Variants in CSMD1 observed in about 807,000 individuals in gnomAD.
The protein encoded by CSMD1 is CUB and sushi domain-containing protein 1.
CSMD1 carries 213 observed loss-of-function variants against 417.5 expected under a neutral mutation model. The observed-to-expected ratio is 0.51, with a 90% confidence interval of 0.46 to 0.57. The LOEUF (loss-of-function observed/expected upper bound fraction) is 0.57, where lower values mean the gene tolerates loss of function less well. CSMD1 is among the 20% of genes least tolerant of loss of function. The probability of loss-of-function intolerance (pLI) is 0.00; values close to 1 mark genes in which losing one functional copy is unlikely to be tolerated. For missense variants in CSMD1, 6,923 were observed against 4,529.7 expected (o/e 1.53, Z -15.17); for synonymous variants, 2,862 against 1,736.8 (o/e 1.65, Z -16.11).
At chr8:4,309,370 C>T (rs80303514) in intron 3 of CSMD1, among the ~76,000 whole-genome samples, 90,914 of 151,764 alleles carry the variant, frequency 0.6, 29,264 homozygotes, top group East Asian at 0.86. Context: ...ATCTTTTGTT[C>T]TGTAGTCCCT....
chr8:3,859,073 TATTC>T (rs763345043), intron 5 of CSMD1, among the ~76,000 whole-genome samples: 4 of 152,192 alleles, frequency 2.6e-5, no homozygotes, highest in Non-Finnish European at 5.9e-5. Flanking sequence ...TGTTATGTGA[TATTC>T]ATCTTCTCAT....
rs560474060 is a variant in CSMD1, at chr8:4,753,426, C to T, written c.86-115868G>A. Among the ~76,000 whole-genome samples, 80 of 151,600 alleles carry T rather than the reference C, an allele frequency of 5.3e-4. No individual in the cohort carries two copies. In the Middle Eastern group the frequency reaches 0.017, roughly 33 times the overall value. On this transcript the variant is annotated intron_variant, in intron 1 of 69. Transcript: ENST00000635120. ...AACCACACACACACACACACACACA[C>T]ACACACACACACACACACACATGCG...
intron 2 of CSMD1, among the ~76,000 whole-genome samples, chr8:4,426,834 C>G (rs867969928): frequency 5.3e-5 from 8 of 150,164 alleles, no homozygotes; most frequent in Non-Finnish European, 8.9e-5. Context: ...ACATAGTATA[C>G]TATATTATGT....
At chr8:3,728,369 AT>A (rs1460571354) in intron 6 of CSMD1, among the ~76,000 whole-genome samples, 1 of 152,152 alleles carries the variant, frequency 6.6e-6, no homozygotes, top group African/African-American at 2.4e-5. Context: ...TCGTTCCTTT[AT>A]CAATTACCCA....
At chr8:3,143,825 A>T (rs1818666215) in intron 40 of CSMD1, among the ~76,000 whole-genome samples, 1 of 152,184 alleles carries the variant, frequency 6.6e-6, no homozygotes, top group Non-Finnish European at 1.5e-5. Context: ...GGGTTTTCCT[A>T]CTTCATTGGA....
At position 3,087,268 on chromosome 8, in the gene CSMD1, T is replaced by A. The variant is rs1212743426; in HGVS notation, c.7303A>T (p.Thr2435Ser). Reference sequence around the variant, plus strand: ...ATACCCCCATTCTTCAGGGGGTGGGTCAAACTGCAGTAAGGTGCTGTGGGC... The same window carrying A: ...ATACCCCCATTCTTCAGGGGGTGGGACAAACTGCAGTAAGGTGCTGTGGGC... ...IRYAAPYCSL[T>S]HPLKNGGILN... is the part of the protein sequence containing the mutation. Residue 2435 changes from threonine to serine, a missense_variant, in exon 49 of 70, where the codon ACC becomes TCC. Physicochemically the swap from Thr to Ser is moderately conservative, Grantham distance 58. Coordinates refer to ENST00000635120, the MANE Select transcript of CSMD1 (RefSeq NM_033225.6). The A allele has an allele frequency of 6.2e-7, 1 of 1,613,854 alleles. No homozygotes were observed. Among genetic ancestry groups the A allele is most frequent in the Non-Finnish European group, 8.5e-7 (1 of 1,179,828 alleles).
Position 4,490,090 on chromosome 8 carries a change from G to A in CSMD1, c.303-70025C>T, listed in dbSNP as rs543797825. ...CGAGTCTTGCTCTGTCACCAGGCTA[G>A]AGTGCAGTGGCAGGATCTTGGCTAA... On this transcript the variant is annotated intron_variant, in intron 2 of 69. Transcript: ENST00000635120. Among the ~76,000 whole-genome samples the A allele has an allele frequency of 5.4e-5, 8 of 147,996 alleles. 1 individual carries two copies. In the East Asian group the frequency reaches 1.2e-3, roughly 22 times the overall value.
chr8:3,772,785 C>G (rs1437572119), intron 5 of CSMD1, among the ~76,000 whole-genome samples: 2 of 151,374 alleles, frequency 1.3e-5, no homozygotes, highest in Non-Finnish European at 2.9e-5. Context: ...GTCTATAAAG[C>G]ACCATGACAG....
At chr8:3,364,903 C>T (rs187408776) in intron 20 of CSMD1, among the ~76,000 whole-genome samples, 1 of 152,262 alleles carries the variant, frequency 6.6e-6, no homozygotes, top group East Asian at 1.9e-4. Flanking sequence ...TACTGTCAGA[C>T]CTGTGGTGAG....
chr8:3,421,426 A>G (rs989491373), intron 12 of CSMD1, among the ~76,000 whole-genome samples: 4 of 152,264 alleles, frequency 2.6e-5, no homozygotes, highest in Non-Finnish European at 4.4e-5. Context: ...CCAGGTTGTG[A>G]TTAAGAAAAG....
chr8:3,351,692 A>G (rs2117662254), intron 21 of CSMD1, among the ~76,000 whole-genome samples: 1 of 149,066 alleles, frequency 6.7e-6, no homozygotes, highest in South Asian at 2.1e-4. Flanking sequence ...ATTAAATGAT[A>G]TACGAATAAT....
chr8:3,500,100 T>G (rs1796535263), intron 10 of CSMD1, among the ~76,000 whole-genome samples: 1 of 152,088 alleles, frequency 6.6e-6, no homozygotes, highest in South Asian at 2.1e-4. Flanking sequence ...GAGTCCTTTT[T>G]TGGCACTGAA....
intron 6 of CSMD1, among the ~76,000 whole-genome samples, chr8:3,725,432 G>C (rs1802425829): frequency 6.6e-6 from 1 of 152,166 alleles, no homozygotes; most frequent in South Asian, 2.1e-4. Context: ...CAGAGATTTG[G>C]GACCAAAGCT....
chr8:3,256,466 G>A (rs1800664326), intron 26 of CSMD1, among the ~76,000 whole-genome samples: 1 of 152,154 alleles, frequency 6.6e-6, no homozygotes, highest in African/African-American at 2.4e-5. Flanking sequence ...ACTTTTTATT[G>A]ATGCTTCAGA....
At chr8:2,970,041 A>AT (rs1162025088) in intron 57 of CSMD1, among the ~76,000 whole-genome samples, 3 of 152,174 alleles carry the variant, frequency 2.0e-5, no homozygotes, top group African/African-American at 7.2e-5. Flanking sequence ...TAAGTTTCTA[A>AT]TTTTTTTTCA....
chr8:4,532,005 T>TCA (rs756568733), intron 2 of CSMD1, among the ~76,000 whole-genome samples: 1 of 143,214 alleles, frequency 7.0e-6, no homozygotes, highest in South Asian at 2.3e-4. Context: ...GCACCCCCAT[T>TCA]CAGTCACTCC....
At chr8:3,857,200 G>C (rs554120799) in intron 5 of CSMD1, among the ~76,000 whole-genome samples, 2 of 152,250 alleles carry the variant, frequency 1.3e-5, no homozygotes, top group South Asian at 4.1e-4. Context: ...TGCCAAAGTT[G>C]TACAGGAGGG....
chr8:4,701,305 C>T (rs528768462), intron 1 of CSMD1, among the ~76,000 whole-genome samples: 8 of 126,664 alleles, frequency 6.3e-5, no homozygotes, highest in South Asian at 2.7e-4. Context: ...TTGAGCCATC[C>T]TTCCTTTGAT....
chr8:4,067,467 C>T (rs1314156664), intron 3 of CSMD1, among the ~76,000 whole-genome samples: 4 of 141,420 alleles, frequency 2.8e-5, no homozygotes, highest in Non-Finnish European at 6.2e-5. Flanking sequence ...CAGTTCTTTT[C>T]ACATGAAATA....
Sources: allele counts gnomAD v4.1 joint callset (sites outside exome capture counted in the v4.1 genomes callset), GRCh38; gene constraint gnomAD v4.1.1; transcripts MANE v1.5; gene names NCBI Gene and HGNC (gene_info 2026-07-23, HGNC 2026-07-21).